Variants in STK3 observed in about 807,000 individuals in gnomAD.
STK3 encodes the protein serine/threonine kinase 3.
In STK3, 41 loss-of-function variants were observed where a neutral mutation model predicts 58.0. The observed-to-expected ratio is 0.71, with a 90% CI of 0.55 to 0.92. The LOEUF (loss-of-function observed/expected upper bound fraction) is 0.92. Among genes scored for constraint, STK3 ranks in the 40% least tolerant of loss-of-function variants. STK3 has a pLI of 0.00. For missense variants in STK3, 479 were observed against 602.7 expected, an observed-to-expected ratio of 0.79 and a Z score of 2.15; for synonymous variants, 170 against 191.0, an observed-to-expected ratio of 0.89 and a Z score of 0.91.
At chr8:98,912,919 G>C (rs1360584126) in intron 1 of STK3, among the ~76,000 whole-genome samples, 1 of 151,844 alleles carries the variant, frequency 6.6e-6, no homozygotes, top group East Asian at 1.9e-4. Context: ...TGGTTTATTT[G>C]TTTGTTTGAG....
At chr8:98,531,922 G>T (rs1466076507) in intron 9 of STK3, among the ~76,000 whole-genome samples, 2 of 152,202 alleles carry the variant, frequency 1.3e-5, no homozygotes, top group Non-Finnish European at 2.9e-5. Flanking sequence ...ATTAAACAGA[G>T]TTAGAGCCTT....
At chr8:98,767,611 G>A (rs1831030788) in intron 2 of STK3, among the ~76,000 whole-genome samples, 1 of 152,114 alleles carries the variant, frequency 6.6e-6, no homozygotes, top group South Asian at 2.1e-4. Flanking sequence ...TTTTTCTTAT[G>A]AATGAAAGAA....
intron 10 of STK3, among the ~76,000 whole-genome samples, chr8:98,478,796 C>T (rs1821591941): frequency 6.6e-6 from 1 of 152,170 alleles, no homozygotes; most frequent in Admixed American, 6.5e-5. Context: ...TCCCTACCCT[C>T]TGTCTCTCCT....
chr8:98,779,423 G>A (rs1442171528), intron 1 of STK3, among the ~76,000 whole-genome samples: 1 of 151,970 alleles, frequency 6.6e-6, no homozygotes, highest in Non-Finnish European at 1.5e-5. Flanking sequence ...AAATGAAGGT[G>A]ATGCCAAACA....
chr8:98,730,807 A>C (rs1474303082), intron 4 of STK3, among the ~76,000 whole-genome samples: 2 of 152,036 alleles, frequency 1.3e-5, no homozygotes, highest in East Asian at 3.9e-4. Flanking sequence ...GAATCAGAAT[A>C]CTACTCCCAG....
At chr8:98,672,253 T>G (rs1587247965) in intron 6 of STK3, among the ~76,000 whole-genome samples, 1 of 104,074 alleles carries the variant, frequency 9.6e-6, no homozygotes. Flanking sequence ...TGGTGGGCGG[T>G]GGGTGTGGGG....
chr8:98,840,231 C>T (rs1485224590), intron 3 of STK3, among the ~76,000 whole-genome samples: 3 of 151,482 alleles, frequency 2.0e-5, no homozygotes, highest in Non-Finnish European at 4.4e-5. Flanking sequence ...ATCAGTAATC[C>T]AGCCACTCAG....
intron 3 of STK3, among the ~76,000 whole-genome samples, chr8:98,757,692 AT>A (rs1453104955): frequency 6.6e-6 from 1 of 151,850 alleles, no homozygotes; most frequent in Non-Finnish European, 1.5e-5. Flanking sequence ...ACAGATATGC[AT>A]TCAAATTCAC....
At chr8:98,596,272 A>T in intron 6 of STK3, 103 bp from the exon 7 acceptor site, 1 of 1,358,906 alleles carries the variant, frequency 7.4e-7, no homozygotes, top group East Asian at 2.5e-5. Context: ...AATTTGAAAA[A>T]CAAATTTAAG....
downstream of STK3, among the ~76,000 whole-genome samples, chr8:98,452,880 C>A (rs1014441671): frequency 6.6e-5 from 10 of 151,040 alleles, no homozygotes; most frequent in African/African-American, 2.4e-4. Context: ...CCTCCCTTAG[C>A]CTCCCAAGTA....
intron 3 of STK3, among the ~76,000 whole-genome samples, chr8:98,407,367 C>T (rs1312577811): frequency 6.6e-6 from 1 of 152,176 alleles, no homozygotes; most frequent in Non-Finnish European, 1.5e-5. Context: ...GCTATTCCTA[C>T]GTCCTTCACC....
At chr8:98,655,922 G>T (rs1276977863) in intron 6 of STK3, among the ~76,000 whole-genome samples, 2 of 152,246 alleles carry the variant, frequency 1.3e-5, no homozygotes, top group Non-Finnish European at 2.9e-5. Context: ...GTGGAAGTCA[G>T]TGTGGCGATT....
intron 6 of STK3, among the ~76,000 whole-genome samples, chr8:98,608,140 G>T (rs773645698): frequency 6.6e-6 from 1 of 151,986 alleles, no homozygotes; most frequent in Non-Finnish European, 1.5e-5. Context: ...GAAAACAAAT[G>T]ATTAGAATAT....
chr8:98,390,451 ATT>A (rs984958102), upstream of STK3, among the ~76,000 whole-genome samples: 2 of 152,016 alleles, frequency 1.3e-5, no homozygotes, highest in Non-Finnish European at 2.9e-5. Flanking sequence ...TATTTTCAAG[ATT>A]CTCTCTGTCT....
At position 98,455,896 on chromosome 8, in the gene STK3, T is replaced by C. The variant is rs1023171002; in HGVS notation, c.1422A>G (p.Arg474=). Residue 474 remains arginine, a synonymous_variant, in exon 11 of 11, where the codon AGA becomes AGG. Transcript: ENST00000419617. ...CATCCATCGCATCCAGAATGGGCTG[T>C]CTTTTCGCAGTGTATCTCTGACGAA... The part of the protein sequence containing the change: ...EELRQRYTAK[R]QPILDAMDAK... 3 of 1,613,786 alleles carry C rather than the reference T, an allele frequency of 1.9e-6. No homozygotes were observed. Among genetic ancestry groups the C allele is most frequent in the Non-Finnish European group, 2.5e-6 (3 of 1,179,830 alleles).
chr8:98,544,891 C>T lies in STK3; in HGVS notation c.1141+3078G>A, dbSNP rs80203139. Among the ~76,000 whole-genome samples, 1,170 of 152,228 alleles carry T rather than the reference C, an allele frequency of 7.7e-3. 9 individuals are homozygous for T. Among genetic ancestry groups the T allele is most frequent in the Non-Finnish European group, 0.011 (722 of 68,022 alleles). On this transcript the variant is annotated intron_variant, in intron 9 of 10. Coordinates refer to ENST00000419617, the MANE Select transcript of STK3 (RefSeq NM_006281.4). Reference sequence around the variant, plus strand: ...AAAATATGGCTCTTCCTCAGATACCCATAAGACATAGTTTCCCTCCAGGGC... The same window carrying T: ...AAAATATGGCTCTTCCTCAGATACCTATAAGACATAGTTTCCCTCCAGGGC...
chr8:98,368,762 C>T (rs1001271717), downstream of STK3, among the ~76,000 whole-genome samples: 1 of 152,144 alleles, frequency 6.6e-6, no homozygotes, highest in Non-Finnish European at 1.5e-5. Context: ...TCTGATGGTG[C>T]CATCTTGGAG....
chr8:98,366,745 T>C (rs1210617113), downstream of STK3, among the ~76,000 whole-genome samples: 1 of 151,968 alleles, frequency 6.6e-6, no homozygotes, highest in African/African-American at 2.4e-5. Flanking sequence ...CAGCTGAGAC[T>C]GTCACATAAA....
At chr8:98,717,529 C>A (rs897504976) in intron 4 of STK3, among the ~76,000 whole-genome samples, 8 of 151,944 alleles carry the variant, frequency 5.3e-5, no homozygotes, top group African/African-American at 9.7e-5. Flanking sequence ...CAAATGTTGG[C>A]AAAGAAGTAG....
Sources: gnomAD v4.1 joint callset for allele counts (sites outside exome capture counted in the v4.1 genomes callset) on GRCh38, gnomAD v4.1.1 for gene constraint, MANE v1.5 for transcripts, NCBI Gene and HGNC (gene_info 2026-07-23, HGNC 2026-07-21) for gene names.